OTUD7A: variants seen among roughly 807,000 people sequenced by gnomAD.
The protein encoded by OTUD7A is OTU domain-containing protein 7A.
OTUD7A carries 12 observed loss-of-function variants against 65.7 expected under a neutral mutation model. That is an observed-to-expected ratio of 0.18 (90% CI 0.12 to 0.30). The LOEUF is 0.30. OTUD7A is among the 10% of genes least tolerant of loss of function. The pLI is 1.00. For missense variants in OTUD7A, 1,148 were observed against 1,304.8 expected, an observed-to-expected ratio of 0.88 and a Z score of 1.85; for synonymous variants, 641 against 586.3, an observed-to-expected ratio of 1.09 and a Z score of -1.35.
intron 1 of OTUD7A, among the ~76,000 whole-genome samples, chr15:31,809,690 A>G (rs1193306411): frequency 6.6e-6 from 1 of 152,232 alleles, no homozygotes; most frequent in Admixed American, 6.5e-5. Flanking sequence ...ATTAGAGGTC[A>G]GCCTAGATGG....
intron 3 of OTUD7A, among the ~76,000 whole-genome samples, chr15:31,640,007 T>A (rs1891463291): frequency 6.6e-6 from 1 of 152,352 alleles, no homozygotes; most frequent in East Asian, 1.9e-4. Flanking sequence ...CAGTTTAAGT[T>A]TTTAATGAAG....
At chr15:31,731,785 G>C (rs556268810) in intron 1 of OTUD7A, among the ~76,000 whole-genome samples, 1 of 152,116 alleles carries the variant, frequency 6.6e-6, no homozygotes, top group African/African-American at 2.4e-5. Flanking sequence ...CAATGGAGGA[G>C]TCTATGCATG....
intron 3 of OTUD7A, among the ~76,000 whole-genome samples, chr15:31,584,860 C>T (rs184076698): frequency 6.6e-6 from 1 of 152,268 alleles, no homozygotes; most frequent in Middle Eastern, 3.4e-3. Context: ...GGTGATTTAT[C>T]TAGTGGAGTA....
Position 31,651,830 on chromosome 15 carries a change from C to T in OTUD7A, c.151+3266G>A, listed in dbSNP as rs143655304. Among the ~76,000 whole-genome samples, 811 of 151,736 alleles carry T rather than the reference C, an allele frequency of 5.3e-3. 7 individuals carry two copies. Among genetic ancestry groups the T allele is most frequent in the African/African-American group, 0.019 (765 of 41,332 alleles). On this transcript the variant is annotated intron_variant, in intron 3 of 12. Transcript: ENST00000307050. ...CATGCCAAAAACCATAAAATGTTGA[C>T]GAAAGAACTTAATGGAGGCCCAAGC...
At chr15:31,563,903 C>T (rs1311737888) in intron 4 of OTUD7A, among the ~76,000 whole-genome samples, 1 of 136,352 alleles carries the variant, frequency 7.3e-6, no homozygotes, top group Admixed American at 7.8e-5. Context: ...GGAGCATCCA[C>T]CAGAGCCTGT....
rs1411579176 is a variant in OTUD7A, at chr15:31,510,952, ATATGTATAT to A, written c.894-7143_894-7135del. Among the ~76,000 whole-genome samples, 43 of 13,494 alleles carry A rather than the reference ATATGTATAT, an allele frequency of 3.2e-3. 14 individuals are homozygous for A. Among genetic ancestry groups the A allele is most frequent in the South Asian group, 6.6e-3 (5 of 758 alleles). The allele number at this position is 13,494 out of a possible 152,430, so 8.9% of individuals were successfully genotyped here. A position where few individuals can be genotyped will look rare whatever the true frequency, so the allele number is the denominator to read the frequency against. On this transcript the variant is annotated intron_variant, in intron 8 of 12. Transcript: ENST00000307050. ...ATATATGTATATCTATATGTAACAT[ATATGTATAT>A]CTATATGTAACATATGTATATCTAT...
chr15:31,557,262 A>C (rs1223342728), intron 5 of OTUD7A: 1 of 152,216 alleles, frequency 6.6e-6, no homozygotes, highest in Non-Finnish European at 1.5e-5. Context: ...CTGGGCAAAC[A>C]ATGACAAGCA....
intron 1 of OTUD7A, among the ~76,000 whole-genome samples, chr15:31,699,420 G>A (rs1336432723): frequency 6.6e-6 from 1 of 152,160 alleles, no homozygotes; most frequent in Non-Finnish European, 1.5e-5. Flanking sequence ...TGAGTTTCAG[G>A]GTAGGTTCTG....
At chr15:31,828,311 T>G (rs865780449) in intron 1 of OTUD7A, among the ~76,000 whole-genome samples, 1 of 152,184 alleles carries the variant, frequency 6.6e-6, no homozygotes, top group Non-Finnish European at 1.5e-5. Flanking sequence ...TAGTATTTTC[T>G]TTTTTAATTT....
intron 1 of OTUD7A, among the ~76,000 whole-genome samples, chr15:31,657,650 C>G (rs1438475042): frequency 6.6e-6 from 1 of 152,058 alleles, no homozygotes; most frequent in Non-Finnish European, 1.5e-5. Context: ...CGTGAGCCAC[C>G]ACACCCAGCT....
At chr15:31,595,603 CA>C (rs1179974556) in intron 3 of OTUD7A, among the ~76,000 whole-genome samples, 1 of 152,222 alleles carries the variant, frequency 6.6e-6, no homozygotes, top group Admixed American at 6.5e-5. Flanking sequence ...TACAAAGTAT[CA>C]CACACATAGT....
At chr15:31,601,366 T>A (rs1890069158) in intron 3 of OTUD7A, among the ~76,000 whole-genome samples, 1 of 151,992 alleles carries the variant, frequency 6.6e-6, no homozygotes, top group African/African-American at 2.4e-5. Context: ...GACTCCTGGG[T>A]AAATAATGAA....
At chr15:31,524,141 T>G (rs548649591) in intron 8 of OTUD7A, among the ~76,000 whole-genome samples, 66 of 121,342 alleles carry the variant, frequency 5.4e-4, no homozygotes, top group Non-Finnish European at 7.6e-4. Context: ...GAGTTTTTTG[T>G]TTTTTTTTTT....
chr15:31,761,203 T>C (rs1466848996), intron 1 of OTUD7A, among the ~76,000 whole-genome samples: 1 of 152,138 alleles, frequency 6.6e-6, no homozygotes, highest in Non-Finnish European at 1.5e-5. Context: ...ATTACAAATA[T>C]TTATAGTTTT....
intron 1 of OTUD7A, among the ~76,000 whole-genome samples, chr15:31,860,335 A>G (rs1484684902): frequency 2.0e-5 from 3 of 152,126 alleles, no homozygotes; most frequent in Admixed American, 2.0e-4. Flanking sequence ...ATTTTATATA[A>G]GCAACTTTCT....
intron 1 of OTUD7A, among the ~76,000 whole-genome samples, chr15:31,808,271 G>C (rs1450304071): frequency 6.6e-6 from 1 of 152,116 alleles, no homozygotes; most frequent in Non-Finnish European, 1.5e-5. Flanking sequence ...CTTCCTACTT[G>C]AGCAGCACTG....
chr15:31,857,839 C>T (rs1897616797), intron 1 of OTUD7A, among the ~76,000 whole-genome samples: 1 of 152,192 alleles, frequency 6.6e-6, no homozygotes, highest in African/African-American at 2.4e-5. Flanking sequence ...GCTGAGACTG[C>T]AGCACTGAAC....
intron 3 of OTUD7A, among the ~76,000 whole-genome samples, chr15:31,592,901 AAAAATATATATATAT>A (rs1229459730): frequency 2.0e-5 from 1 of 48,844 alleles, no homozygotes; most frequent in East Asian, 9.9e-4. Flanking sequence ...AAAAAAAAAA[AAAAATATATATATAT>A]ATATATATAT....
intron 1 of OTUD7A, among the ~76,000 whole-genome samples, chr15:31,771,291 CTATT>C (rs569059906): frequency 3.9e-4 from 60 of 152,312 alleles, no homozygotes; most frequent in Admixed American, 1.3e-3. Flanking sequence ...ATTGGACTAT[CTATT>C]TGTCAGCTCC....
Sources: allele counts gnomAD v4.1 joint callset (sites outside exome capture counted in the v4.1 genomes callset), GRCh38; gene constraint gnomAD v4.1.1; transcripts MANE v1.5; gene names NCBI Gene and HGNC (gene_info 2026-07-23, HGNC 2026-07-21).